The following MTUS1 variants were observed in gnomAD, a reference collection of about 807,000 sequenced individuals.
The protein encoded by MTUS1 is microtubule-associated tumor suppressor 1.
MTUS1 carries 109 observed loss-of-function variants against 120.8 expected under a neutral mutation model. The ratio of observed to expected loss-of-function variants is 0.90; its 90% CI spans 0.77 to 1.06. MTUS1 has a LOEUF of 1.06. Ranked by LOEUF, MTUS1 falls within the 50% of genes least tolerant of loss-of-function variation. The probability of loss-of-function intolerance (pLI) is 0.00; values close to 1 mark genes in which losing one functional copy is unlikely to be tolerated. For missense variants in MTUS1, 2,210 were observed against 1,486.3 expected, an observed-to-expected ratio of 1.49 and a Z score of -8.01; for synonymous variants, 737 against 550.5, an observed-to-expected ratio of 1.34 and a Z score of -4.74.
intron 1 of MTUS1, among the ~76,000 whole-genome samples, chr8:17,759,884 T>C (rs1041506522): frequency 3.3e-5 from 5 of 151,830 alleles, no homozygotes; most frequent in Non-Finnish European, 5.9e-5. Context: ...CTTAACATTT[T>C]AGTACACTTG....
rs193106651 is a variant in MTUS1 at position 17,704,523 on chromosome 8, A to G, written c.2623+8691T>C. Among the ~76,000 whole-genome samples the G allele has an allele frequency of 1.9e-3, 294 of 152,316 alleles. 5 individuals carry two copies. The highest frequency in any genetic ancestry group is 2.4e-4 in the Non-Finnish European group (16 of 68,028). ...AGTTTTCCCAGTACTATCTACAAAAAGACTATCCTTTCCCTATTGTGTATT... is the reference window on the plus strand; with the variant it reads ...AGTTTTCCCAGTACTATCTACAAAAGGACTATCCTTTCCCTATTGTGTATT... On this transcript the variant is annotated intron_variant, in intron 6 of 14. Coordinates refer to ENST00000693296, the MANE Select transcript of MTUS1 (RefSeq NM_001363059.2).
intron 1 of MTUS1, among the ~76,000 whole-genome samples, chr8:17,783,069 A>ATT (rs1397258925): frequency 6.7e-5 from 10 of 149,650 alleles, no homozygotes; most frequent in Non-Finnish European, 1.0e-4. Flanking sequence ...AGAGAGTGAA[A>ATT]TTCTGTCTCA....
chr8:17,723,869 T>C (rs1004153379), intron 3 of MTUS1, 36 bp from the exon 4 acceptor site: 3 of 1,502,934 alleles, frequency 2.0e-6, no homozygotes, highest in Admixed American at 2.3e-5. Flanking sequence ...TTTCCAGTGC[T>C]ATTCATCCCG....
Position 17,751,472 on chromosome 8 carries a change from C to T in MTUS1, c.2091+2245G>A, listed in dbSNP as rs188851649. Among the ~76,000 whole-genome samples the T allele has an allele frequency of 1.5e-3, 222 of 152,270 alleles. 1 individual carries two copies. Among genetic ancestry groups the T allele is most frequent in the Non-Finnish European group, 2.8e-3 (191 of 68,020 alleles). On this transcript the variant is annotated intron_variant, in intron 2 of 14. Transcript: ENST00000693296. ...AAGCCAGTGGCCTATGAGGGTCTGC[C>T]CAGACACTTTCCAGTCCTCCTTCCC...
chr8:17,705,261 G>T (rs776707905), intron 6 of MTUS1, among the ~76,000 whole-genome samples: 1 of 152,162 alleles, frequency 6.6e-6, no homozygotes, highest in African/African-American at 2.4e-5. Context: ...TGGGATTACA[G>T]GCGTGAGCCA....
intron 10 of MTUS1, 80 bp from the exon 11 acceptor site, chr8:17,653,578 T>G: frequency 1.0e-6 from 1 of 995,192 alleles, no homozygotes. Context: ...AGCATATAGA[T>G]GTAGGGGTTG....
chr8:17,669,286 A>G (rs1277522809), intron 8 of MTUS1, among the ~76,000 whole-genome samples: 1 of 152,216 alleles, frequency 6.6e-6, no homozygotes, highest in Non-Finnish European at 1.5e-5. Flanking sequence ...GAGAAGGAGC[A>G]TGAGGGGTCC....
intron 3 of MTUS1, among the ~76,000 whole-genome samples, chr8:17,742,065 T>C (rs2979784): frequency 0.2 from 29,877 of 151,940 alleles, 3,057 homozygotes; most frequent in Middle Eastern, 0.25. Flanking sequence ...ATGAGCCTTA[T>C]TGGACAACTA....
intron 8 of MTUS1, among the ~76,000 whole-genome samples, chr8:17,657,698 G>A (rs1290140282): frequency 2.7e-5 from 4 of 147,828 alleles, no homozygotes; most frequent in African/African-American, 7.5e-5. Flanking sequence ...ATGATGGTGT[G>A]GGCCTGTAGT....
chr8:17,649,245 C>T (rs980320958), intron 13 of MTUS1, among the ~76,000 whole-genome samples: 14 of 152,146 alleles, frequency 9.2e-5, no homozygotes, highest in African/African-American at 3.4e-4. Context: ...TTAGTAGAGA[C>T]AGGGTTTCAC....
At chr8:17,691,329 C>G (rs1016368777) in intron 6 of MTUS1, 39 of 152,196 alleles carry the variant, frequency 2.6e-4, no homozygotes, top group African/African-American at 8.9e-4. Context: ...ACTTGCCATT[C>G]AACACTTTAT....
chr8:17,754,405 T>C lies in MTUS1; in HGVS notation c.1403A>G (p.Lys468Arg), dbSNP rs368824729. The C allele has an allele frequency of 1.2e-6, 2 of 1,614,180 alleles. No homozygotes were observed. Among genetic ancestry groups the C allele is most frequent in the Non-Finnish European group, 1.7e-6 (2 of 1,180,016 alleles). Reference protein sequence around the residue: ...NRGLKNIPDSKEAPVNLCKPS... With the variant: ...NRGLKNIPDSREAPVNLCKPS... Reference sequence around the variant, plus strand: ...TTTACACAGGTTCACAGGTGCCTCCTTCGAGTCTGGTATGTTTTTAAGCCC... The same window carrying C: ...TTTACACAGGTTCACAGGTGCCTCCCTCGAGTCTGGTATGTTTTTAAGCCC... The change falls in exon 2 of 15, where the codon AAG (lysine) becomes AGG (arginine). Residue 468 changes from lysine to arginine, a missense_variant. Physicochemically the swap from Lys to Arg is conservative, Grantham distance 26. Coordinates refer to ENST00000693296, the MANE Select transcript of MTUS1 (RefSeq NM_001363059.2).
chr8:17,794,894 G>A (rs998353396), intron 1 of MTUS1, among the ~76,000 whole-genome samples: 21 of 152,300 alleles, frequency 1.4e-4, no homozygotes, highest in African/African-American at 4.8e-4. Context: ...CGTAAAGCTA[G>A]CCAAGGGAGC....
intron 2 of MTUS1, among the ~76,000 whole-genome samples, chr8:17,745,604 C>T (rs2047683553): frequency 6.6e-6 from 1 of 152,202 alleles, no homozygotes; most frequent in Admixed American, 6.5e-5. Flanking sequence ...CATATTCTGC[C>T]TTTGTACCCA....
rs1166489184 is a variant in MTUS1 at position 17,715,898 on chromosome 8, C to T, written c.2453G>A (p.Gly818Asp). 5 of 1,609,046 alleles carry T rather than the reference C, an allele frequency of 3.1e-6. No individual in the cohort carries two copies. In the South Asian group the frequency reaches 3.3e-5, roughly 11 times the overall value. The change falls in exon 5 of 15, where the codon GGT becomes GAT. Residue 818 changes from glycine to aspartate, a missense_variant. By Grantham distance (94) the Gly-to-Asp change is moderately conservative. Transcript: ENST00000693296. ...SELSTYSNNS[G>D]NAAVIKYEEK... is the part of the protein sequence containing the mutation. ...CTCATATTTGATGACAGCGGCATTACCAGCTGTAATAAAACAGAAAAGTAC... is the reference window on the plus strand; with the variant it reads ...CTCATATTTGATGACAGCGGCATTATCAGCTGTAATAAAACAGAAAAGTAC...
chr8:17,676,648 G>A (rs1010265460), intron 7 of MTUS1, among the ~76,000 whole-genome samples: 3 of 152,092 alleles, frequency 2.0e-5, no homozygotes, highest in African/African-American at 7.2e-5. Flanking sequence ...CAGCTGCAAC[G>A]GAGGAAAGAA....
chr8:17,756,435 TAGAC>T lies in MTUS1; in HGVS notation c.-154-478_-154-475del, dbSNP rs549231239. 6.3e-3 allele frequency among the ~76,000 whole-genome samples: 953 copies of T among 152,236 alleles called. 15 individuals are homozygous for T. The highest frequency in any genetic ancestry group is 0.021 in the African/African-American group (889 of 41,534). On this transcript the variant is annotated intron_variant, in intron 1 of 14. Transcript: ENST00000693296. ...TATTATTTCCATGCAGAGTGATTAT[TAGAC>T]AGGCCATGAAAGCCCAGCAAATCAG...
At chr8:17,748,577 G>GCA (rs1400037692) in intron 2 of MTUS1, among the ~76,000 whole-genome samples, 1 of 152,178 alleles carries the variant, frequency 6.6e-6, no homozygotes, top group Non-Finnish European at 1.5e-5. Flanking sequence ...GAGCACTGTA[G>GCA]CATGCCCTCT....
intron 8 of MTUS1, among the ~76,000 whole-genome samples, chr8:17,666,591 C>A (rs1337909696): frequency 1.3e-5 from 2 of 152,158 alleles, no homozygotes; most frequent in Non-Finnish European, 2.9e-5. Flanking sequence ...ATTAAAAGTG[C>A]AGATTCCTCC....
Sources: gnomAD v4.1 joint callset for allele counts (sites outside exome capture counted in the v4.1 genomes callset) on GRCh38, gnomAD v4.1.1 for gene constraint, MANE v1.5 for transcripts, NCBI Gene and HGNC (gene_info 2026-07-23, HGNC 2026-07-21) for gene names.